TNK2: variants seen among roughly 807,000 people sequenced by gnomAD.
TNK2 encodes the protein tyrosine kinase non receptor 2.
TNK2 carries 83 observed loss-of-function variants against 101.8 expected under a neutral mutation model. That is an observed-to-expected ratio of 0.82 (90% confidence interval 0.68 to 0.98). The LOEUF is 0.98. Ranked by LOEUF, TNK2 falls within the 50% of genes least tolerant of loss-of-function variation. The pLI is 0.00. For synonymous variants in TNK2, 804 were observed against 633.0 expected, an observed-to-expected ratio of 1.27 and a Z score of -4.06; for missense variants, 1,665 against 1,483.2, an observed-to-expected ratio of 1.12 and a Z score of -2.01.
intron 1 of TNK2, among the ~76,000 whole-genome samples, chr3:195,889,576 T>C (rs1476244084): frequency 1.3e-5 from 2 of 152,210 alleles, no homozygotes; most frequent in Non-Finnish European, 2.9e-5. Flanking sequence ...AATATTCGTC[T>C]TTCTCCTGAC....
intron 1 of TNK2, among the ~76,000 whole-genome samples, chr3:195,894,039 G>A (rs1389343726): frequency 3.3e-5 from 5 of 152,086 alleles, no homozygotes; most frequent in African/African-American, 1.2e-4. Context: ...TGGAGTGGGG[G>A]CTGAGGTCAG....
In TNK2 at chr3:195,868,524, G is replaced by T; in HGVS notation, c.1774C>A (p.Pro592Thr). The T allele has an allele frequency of 6.4e-7, 1 of 1,560,298 alleles. No homozygotes were observed. ...CAGGGCCGTAGGGCCGGGACCACGG[G>T]CTCCTCACCGAAGTCGATGAGCGTG... ...EVTLIDFGEEPVVPALRPCAP... is the reference protein window; with the variant it reads ...EVTLIDFGEETVVPALRPCAP... The change falls in exon 13 of 16, where the codon CCC becomes ACC. Residue 592 changes from proline (P) to threonine (T), a missense_variant. Transcript: ENST00000672887.
At chr3:195,864,729 T>C (rs1414895633) in intron 15 of TNK2, among the ~76,000 whole-genome samples, 13 of 118,062 alleles carry the variant, frequency 1.1e-4, no homozygotes, top group South Asian at 6.1e-4. Flanking sequence ...CCCGAGACAG[T>C]GACAGACAGG....
At chr3:195,902,617 C>CA (rs776140268) in intron 1 of TNK2, among the ~76,000 whole-genome samples, 3,419 of 42,496 alleles carry the variant, frequency 0.08, 97 homozygotes, top group Non-Finnish European at 0.12. Flanking sequence ...GACTCCGTCT[C>CA]AAAAAAAAAA....
Position 195,878,467 on chromosome 3 carries a change from G to A in TNK2, c.1140C>T (p.Ala380=), listed in dbSNP as rs754216926. The A allele has an allele frequency of 1.9e-6, 3 of 1,613,994 alleles. No homozygotes were observed. The highest frequency in any genetic ancestry group is 2.5e-6 in the Non-Finnish European group (3 of 1,180,042). The change falls in exon 8 of 16, where the codon GCC becomes GCT. Residue 380 remains alanine (A), a synonymous_variant. Coordinates refer to ENST00000672887, the MANE Select transcript of TNK2 (RefSeq NM_001382273.1). The surrounding 1 kb of genome is among the most constrained non-coding windows in gnomAD (Gnocchi z 4.7). Reference sequence around the variant, plus strand: ...TCACCTCCAGCAGGAAGTCCCGCAGGGCCACAAACGTGGGTCTGTCCTCTG... The same window carrying A: ...TCACCTCCAGCAGGAAGTCCCGCAGAGCCACAAACGTGGGTCTGTCCTCTG... ...HKPEDRPTFV[A]LRDFLLEAQP...
intron 10 of TNK2, among the ~76,000 whole-genome samples, chr3:195,871,354 TAA>T (rs1745202209): frequency 6.6e-6 from 1 of 152,080 alleles, no homozygotes; most frequent in South Asian, 2.1e-4. Context: ...AGCTGCCACC[TAA>T]CGTTCCCTCT....
Position 195,882,320 on chromosome 3 carries a change from C to T in TNK2, c.618G>A (p.Glu206=), listed in dbSNP as rs936471849. 3.2e-5 allele frequency: 51 copies of T among 1,610,750 alleles called. No individual in the cohort carries two copies. The highest frequency in any genetic ancestry group is 4.3e-5 in the Non-Finnish European group (51 of 1,177,666). Reference sequence around the variant, plus strand: ...CCAACAACGATCCCAGAGGTGCCAGCTCTGTCACCTGAGGCCACGGAGGAG... The same window carrying T: ...CCAACAACGATCCCAGAGGTGCCAGTTCTGTCACCTGAGGCCACGGAGGAG... The part of the protein sequence containing the change: ...VLTPPMKMVT[E]LAPLGSLLDR... The change falls in exon 6 of 16, where the codon GAG becomes GAA. Residue 206 remains glutamate, a synonymous_variant. Transcript: ENST00000672887. The surrounding 1 kb of genome is among the most constrained non-coding windows in gnomAD (Gnocchi z 4.2).
chr3:195,897,066 C>T (rs938948207), intron 1 of TNK2, among the ~76,000 whole-genome samples: 1 of 152,280 alleles, frequency 6.6e-6, no homozygotes, highest in Middle Eastern at 3.4e-3. Context: ...GAAAAAAGAA[C>T]ATACTGATGA....
rs1343212403 is a variant in TNK2, at chr3:195,884,936, T to TC, written c.331dup (p.Glu111GlyfsTer24). The stretch of plus-strand genomic sequence containing the variant: ...GCAGGTGAGGCTCTGCAGGGGCCCC[T>TC]CCCCTGCTGGGCCCCCAGGGGCGGG... On this transcript the variant is annotated frameshift_variant, in exon 4 of 16. Transcript: ENST00000672887. LOFTEE classifies it high-confidence loss of function. 2 of 1,613,658 alleles carry TC rather than the reference T, an allele frequency of 1.2e-6. No homozygotes were observed. Among genetic ancestry groups the TC allele is most frequent in the South Asian group, 1.1e-5 (1 of 91,058 alleles).
chr3:195,876,300 G>A (rs1020570485), intron 9 of TNK2: 9 of 413,704 alleles, frequency 2.2e-5, no homozygotes, highest in African/African-American at 4.1e-5. Flanking sequence ...TCAGAGCTGC[G>A]GCAGGTGGCC....
At chr3:195,892,505 C>A in intron 1 of TNK2, 1 of 1,534,796 alleles carries the variant, frequency 6.5e-7, no homozygotes, top group Non-Finnish European at 8.7e-7. Context: ...GCAGCGGGAC[C>A]CCCCCGAGCA....
intron 1 of TNK2, among the ~76,000 whole-genome samples, chr3:195,907,640 C>G (rs187630512): frequency 3.7e-4 from 57 of 152,350 alleles, no homozygotes; most frequent in Admixed American, 5.9e-4. Flanking sequence ...GTCTGGCACT[C>G]AGGCCACGAG....
chr3:195,890,378 G>A (rs1757876922), intron 1 of TNK2, among the ~76,000 whole-genome samples: 1 of 152,076 alleles, frequency 6.6e-6, no homozygotes, highest in East Asian at 1.9e-4. Context: ...AATTCATGAA[G>A]GTGTTTATGA....
At position 195,878,264 on chromosome 3, in the gene TNK2, G is replaced by T. The variant is rs756589662; in HGVS notation, c.1245C>A (p.Val415=). The T allele has an allele frequency of 3.7e-6, 6 of 1,613,876 alleles. No homozygotes were observed. The highest frequency in any genetic ancestry group is 5.1e-6 in the Non-Finnish European group (6 of 1,179,940). ...LHIQMNDVIT[V]IEGRAENYWW... Reference sequence around the variant, plus strand: ...CCTGCACTCCCTACCTTCCCTCGATGACGGTGATGACATCATTCATCTGGA... The same window carrying T: ...CCTGCACTCCCTACCTTCCCTCGATTACGGTGATGACATCATTCATCTGGA... Residue 415 remains valine, a synonymous_variant, in exon 9 of 16, where the codon GTC becomes GTA. Coordinates refer to ENST00000672887, the MANE Select transcript of TNK2 (RefSeq NM_001382273.1). This position sits in a 1 kb window ranked among gnomAD's most constrained non-coding sequence, Gnocchi z 4.7.
At chr3:195,879,261 C>CA in intron 6 of TNK2, 86 bp from the exon 7 acceptor site, 1 of 1,569,118 alleles carries the variant, frequency 6.4e-7, no homozygotes, top group Non-Finnish European at 8.6e-7. Context: ...ATGCAGCAAA[C>CA]ACTTGTTGTG....
rs3747672 is a variant in TNK2, at chr3:195,885,163, T to C, written c.235-130A>G. 580,907 of 1,085,180 alleles carry C rather than the reference T, an allele frequency of 0.54. 159,898 individuals are homozygous for C. The highest frequency in any genetic ancestry group is 0.83 in the African/African-American group (52,170 of 62,764). The allele number at this position is 1,085,180 out of a possible 1,614,324, so 67.2% of individuals were successfully genotyped here. A position where few individuals can be genotyped will look rare whatever the true frequency, so the allele number is the denominator to read the frequency against. On this transcript the variant is annotated intron_variant, in intron 3 of 15. Coordinates refer to ENST00000672887, the MANE Select transcript of TNK2 (RefSeq NM_001382273.1). This position sits in a 1 kb window ranked among gnomAD's most constrained non-coding sequence, Gnocchi z 4.7. ...GATAGGTCCTGGTTTTGCCAAACTG[T>C]CAGTGGGGCAGCCTGGCTGGAGGCC...
Position 195,895,507 on chromosome 3 carries a change from G to A in TNK2, c.-18-6901C>T, listed in dbSNP as rs1025274121. 11 of 1,352,290 alleles carry A rather than the reference G, an allele frequency of 8.1e-6. No homozygotes were observed. In the African/African-American group the frequency reaches 1.4e-4, roughly 17 times the overall value. 83.8% of individuals were successfully genotyped at this position (1,352,290 alleles called of 1,614,324 possible). A position where few individuals can be genotyped will look rare whatever the true frequency, so the allele number is the denominator to read the frequency against. On this transcript the variant is annotated intron_variant, in intron 1 of 15. Transcript: ENST00000672887. ...GCCGGGTGGTCGCGCCCCTCCTCCT[G>A]CCGGCCTGCGGCCATTCCCTCCTGC...
chr3:195,882,919 A>G lies in TNK2; in HGVS notation c.609+238T>C, dbSNP rs1371337882. ...TTAAACTCAGTGGCCAGCCCCTCCC[A>G]TGGGAGTAACTCTCTTGACACTGAG... On this transcript the variant is annotated intron_variant, in intron 5 of 15. Transcript: ENST00000672887. The surrounding 1 kb of genome is among the most constrained non-coding windows in gnomAD (Gnocchi z 4.2). Among the ~76,000 whole-genome samples the G allele has an allele frequency of 6.6e-6, 1 of 152,146 alleles. No homozygotes were observed. The highest frequency in any genetic ancestry group is 1.5e-5 in the Non-Finnish European group (1 of 67,998).
At chr3:195,876,483 C>T in intron 9 of TNK2, 1 of 456,822 alleles carries the variant, frequency 2.2e-6, no homozygotes, top group South Asian at 1.5e-5. Context: ...CGGAGGCAGC[C>T]AAACAAACAT....
Sources: allele counts gnomAD v4.1 joint callset (sites outside exome capture counted in the v4.1 genomes callset), GRCh38; gene constraint gnomAD v4.1.1; non-coding constraint Gnocchi (gnomAD v3.1); transcripts MANE v1.5; gene names NCBI Gene and HGNC (gene_info 2026-07-23, HGNC 2026-07-21).